Variants in RCOR3 observed in about 807,000 individuals in gnomAD.
RCOR3 encodes the protein REST corepressor 3.
In RCOR3, 13 loss-of-function variants were observed where a neutral mutation model predicts 64.1. The ratio of observed to expected loss-of-function variants is 0.20; its 90% CI spans 0.13 to 0.32. RCOR3 has a LOEUF of 0.32. Among genes scored for constraint, RCOR3 ranks in the 10% least tolerant of loss-of-function variants. The pLI is 1.00. For missense variants in RCOR3, 489 were observed against 701.2 expected, an observed-to-expected ratio of 0.70 and a Z score of 3.42; for synonymous variants, 215 against 239.0, an observed-to-expected ratio of 0.90 and a Z score of 0.93.
At chr1:211,260,948 A>G (rs1694154365) in intron 2 of RCOR3, 1 of 152,052 alleles carries the variant, frequency 6.6e-6, no homozygotes, top group South Asian at 2.1e-4. Context: ...CGGTCACGAG[A>G]TTTCAGCCTG....
chr1:211,311,265 G>A (rs1264590165), intron 10 of RCOR3, among the ~76,000 whole-genome samples: 1 of 152,056 alleles, frequency 6.6e-6, no homozygotes, highest in East Asian at 1.9e-4. Flanking sequence ...TATAAACGAT[G>A]TCTATCATTG....
chr1:211,304,079 G>A lies in RCOR3; in HGVS notation c.1018-4G>A. ...CATTAGGAAACTTCTCTTTAATTTT[G>A]TAGTCAAATCAGAAAATTAATGCCC... On this transcript the variant is annotated splice_region_variant and splice_polypyrimidine_tract_variant and intron_variant, in intron 9 of 11. Coordinates refer to ENST00000419091, the MANE Select transcript of RCOR3 (RefSeq NM_001136223.3). The A allele has an allele frequency of 1.9e-6, 3 of 1,597,080 alleles. No homozygotes were observed. The highest frequency in any genetic ancestry group is 1.1e-5 in the South Asian group (1 of 88,138).
At chr1:211,305,124 G>T (rs1271094106) in intron 10 of RCOR3, among the ~76,000 whole-genome samples, 2 of 152,214 alleles carry the variant, frequency 1.3e-5, no homozygotes, top group Non-Finnish European at 2.9e-5. Flanking sequence ...TCGACTGATG[G>T]ATGACTCCGC....
At chr1:211,309,978 T>C (rs1983259) in intron 10 of RCOR3, among the ~76,000 whole-genome samples, 145,566 of 152,224 alleles carry the variant, frequency 0.96, 69,668 homozygotes, top group East Asian at 1. Flanking sequence ...TGAGCCATGC[T>C]GTTCTGAGTG....
At chr1:211,296,949 AC>A (rs1411387462) in intron 9 of RCOR3, among the ~76,000 whole-genome samples, 1 of 152,132 alleles carries the variant, frequency 6.6e-6, no homozygotes, top group Non-Finnish European at 1.5e-5. Flanking sequence ...GATATTAAAA[AC>A]ATTATGGGAA....
intron 10 of RCOR3, among the ~76,000 whole-genome samples, chr1:211,308,673 G>GTTTTTTTTTT (rs545513442): frequency 7.4e-5 from 3 of 40,484 alleles, no homozygotes; most frequent in African/African-American, 1.4e-4. Context: ...TTTTTTTTTT[G>GTTTTTTTTTT]TTTTTTTTTT....
At chr1:211,284,178 T>C (rs944645375) in intron 7 of RCOR3, among the ~76,000 whole-genome samples, 1 of 151,868 alleles carries the variant, frequency 6.6e-6, no homozygotes, top group Non-Finnish European at 1.5e-5. Flanking sequence ...CTCAGCCTCC[T>C]GAGTAACTGG....
At chr1:211,259,815 C>T (rs1485855723) in intron 1 of RCOR3, 89 bp downstream of exon 1, 4 of 1,233,248 alleles carry the variant, frequency 3.2e-6, no homozygotes, top group Admixed American at 3.0e-5. Context: ...CTCTCCCGCC[C>T]TCCCTCCCCT....
intron 8 of RCOR3, among the ~76,000 whole-genome samples, chr1:211,290,906 A>G (rs1457719847): frequency 6.6e-6 from 1 of 152,134 alleles, no homozygotes; most frequent in East Asian, 1.9e-4. Flanking sequence ...CTTTAAGGAA[A>G]GGTGGACCAT....
intron 9 of RCOR3, 198 bp from the exon 10 acceptor site, chr1:211,303,884 AT>A (rs1271302231): frequency 2.4e-6 from 1 of 418,974 alleles, no homozygotes; most frequent in Non-Finnish European, 4.3e-6. Context: ...AAATTGGTAC[AT>A]TTCCCTTTCA....
intron 8 of RCOR3, chr1:211,291,747 C>T (rs1699265516): frequency 5.6e-6 from 2 of 356,054 alleles, no homozygotes; most frequent in Non-Finnish European, 1.1e-5. Context: ...TGCTTTCTTA[C>T]CAAAACTTAT....
rs1168543916 is a variant in RCOR3, at chr1:211,279,266, A to G, written c.670A>G (p.Met224Val). ...TGATGATGTAGAAGAAACACATCCA[A>G]TGGATGGGAATGATAGTGATTATGA... ...SDDDVEETHP[M>V]DGNDSDYDPK... is the part of the protein sequence containing the mutation. Residue 224 changes from methionine (M) to valine (V), a missense_variant, in exon 7 of 12, where the codon ATG becomes GTG. This residue lies in a region of RCOR3 where 402 missense variants were observed against 617.0 expected (regional missense o/e 0.65). Coordinates refer to ENST00000419091, the MANE Select transcript of RCOR3 (RefSeq NM_001136223.3). 5 of 1,611,920 alleles carry G rather than the reference A, an allele frequency of 3.1e-6. No homozygotes were observed. Among genetic ancestry groups the G allele is most frequent in the Non-Finnish European group, 4.2e-6 (5 of 1,178,742 alleles).
chr1:211,264,029 G>A (rs1490505554), intron 2 of RCOR3, among the ~76,000 whole-genome samples: 14 of 152,086 alleles, frequency 9.2e-5, no homozygotes, highest in Admixed American at 9.2e-4. Flanking sequence ...CACCATGTTG[G>A]CCGGGCTAGT....
In RCOR3 at chr1:211,259,567, G is replaced by A. The variant is rs762612693; in HGVS notation, c.7G>A (p.Gly3Ser). The part of the protein sequence containing the change: MP[G>S]MMEKGPELLG... ...CCCCCTCCCCTGTTCTACCATGCCC[G>A]GCATGATGGAGAAAGGGCCCGAGTT... is the stretch of plus-strand genomic sequence containing the variant. Residue 3 changes from glycine (G) to serine (S), a missense_variant, in exon 1 of 12, where the codon GGC becomes AGC. By Grantham distance (56) the Gly-to-Ser change is moderately conservative. Coordinates refer to ENST00000419091, the MANE Select transcript of RCOR3 (RefSeq NM_001136223.3). 10 of 1,546,236 alleles carry A rather than the reference G, an allele frequency of 6.5e-6. No individual in the cohort carries two copies. The highest frequency in any genetic ancestry group is 2.0e-5 in the Admixed American group (1 of 50,750).
intron 10 of RCOR3, among the ~76,000 whole-genome samples, chr1:211,306,090 G>A (rs568270929): frequency 9.1e-4 from 138 of 151,966 alleles, no homozygotes; most frequent in African/African-American, 3.3e-3. Context: ...TTGGGTTTTT[G>A]TTGTTGTTAC....
At chr1:211,262,812 A>G (rs1387767353) in intron 2 of RCOR3, among the ~76,000 whole-genome samples, 1 of 123,956 alleles carries the variant, frequency 8.1e-6, no homozygotes, top group Non-Finnish European at 1.6e-5. Context: ...GTGATTTTGC[A>G]TGGCCACTGG....
rs1158597755 is a variant in RCOR3 at position 211,261,923 on chromosome 1, CAAAAAA to C, written c.223+1772_223+1777del. 3.6e-3 allele frequency among the ~76,000 whole-genome samples: 122 copies of C among 34,130 alleles called. 10 individuals are homozygous for C. The highest frequency in any genetic ancestry group is 0.014 in the African/African-American group (116 of 8,252). 22.4% of individuals were successfully genotyped at this position (34,130 alleles called of 152,430 possible). A position where few individuals can be genotyped will look rare whatever the true frequency, so the allele number is the denominator to read the frequency against. On this transcript the variant is annotated intron_variant, in intron 2 of 11. Transcript: ENST00000419091. ...TGGGCAACAGAGTGAGACTCCATCT[CAAAAAA>C]AAAAAAAAAAAACTGAATTCAATTC...
chr1:211,262,253 C>T (rs568596470), intron 2 of RCOR3, among the ~76,000 whole-genome samples: 85 of 151,612 alleles, frequency 5.6e-4, no homozygotes, highest in Middle Eastern at 3.4e-3. Flanking sequence ...GGCCAGGCTG[C>T]TCTCGAACTC....
At chr1:211,289,154 GTTA>G in intron 7 of RCOR3, 21 bp from the exon 8 acceptor site, 1 of 1,577,804 alleles carries the variant, frequency 6.3e-7, no homozygotes, top group Non-Finnish European at 8.7e-7. Context: ...CAAGTGACCT[GTTA>G]TTCTGCTTTT....
Sources: gnomAD v4.1 joint callset for allele counts (sites outside exome capture counted in the v4.1 genomes callset) on GRCh38, gnomAD v4.1.1 for gene constraint, gnomAD v4.1.1 regional missense constraint, MANE v1.5 for transcripts, NCBI Gene and HGNC (gene_info 2026-07-23, HGNC 2026-07-21) for gene names.